Variants in KIAA1958 observed in about 807,000 individuals in gnomAD.
KIAA1958 encodes uncharacterized protein KIAA1958.
Under a neutral mutation model 47.2 loss-of-function variants are expected in KIAA1958, and 14 were observed. The ratio of observed to expected loss-of-function variants is 0.30; its 90% CI spans 0.20 to 0.46. KIAA1958 has a LOEUF of 0.46. Among genes scored for constraint, KIAA1958 ranks in the 20% least tolerant of loss-of-function variants. The probability of loss-of-function intolerance (pLI) is 1.00; values close to 1 mark genes in which losing one functional copy is unlikely to be tolerated. For synonymous variants in KIAA1958, 354 were observed against 353.3 expected (o/e 1.00, Z -0.02); for missense variants, 803 against 909.2 (o/e 0.88, Z 1.50).
At chr9:112,498,023 G>C (rs544261450) in intron 1 of KIAA1958, among the ~76,000 whole-genome samples, 7 of 152,098 alleles carry the variant, frequency 4.6e-5, no homozygotes, top group Admixed American at 2.0e-4. Flanking sequence ...ATTAGTAATA[G>C]CTTTTCCAGT....
At chr9:112,504,188 C>CTT (rs374393037) in intron 1 of KIAA1958, among the ~76,000 whole-genome samples, 19 of 139,632 alleles carry the variant, frequency 1.4e-4, no homozygotes, top group South Asian at 6.8e-4. Flanking sequence ...TAGAGATTAT[C>CTT]TTTTTTTTTT....
chr9:112,494,723 C>G (rs1389860614), intron 1 of KIAA1958, among the ~76,000 whole-genome samples: 1 of 152,158 alleles, frequency 6.6e-6, no homozygotes, highest in Non-Finnish European at 1.5e-5. Flanking sequence ...CTGCCTCAGC[C>G]TCCCAAAGTG....
chr9:112,653,800 T>C (rs1389846803), intron 3 of KIAA1958, among the ~76,000 whole-genome samples: 1 of 152,080 alleles, frequency 6.6e-6, no homozygotes, highest in African/African-American at 2.4e-5. Flanking sequence ...CTCAGGAGGT[T>C]GAGGCAAGAG....
intron 1 of KIAA1958, among the ~76,000 whole-genome samples, chr9:112,512,841 T>C (rs1475543442): frequency 2.6e-5 from 4 of 151,334 alleles, no homozygotes; most frequent in African/African-American, 9.7e-5. Context: ...TTTTTTTGTT[T>C]TGATTTGTTT....
intron 1 of KIAA1958, among the ~76,000 whole-genome samples, chr9:112,568,142 C>T (rs1053245564): frequency 1.3e-5 from 2 of 151,844 alleles, no homozygotes; most frequent in African/African-American, 2.4e-5. Context: ...TTTTTGCAAA[C>T]GGAAACACTC....
At chr9:112,524,700 A>G (rs1363828675) in intron 1 of KIAA1958, among the ~76,000 whole-genome samples, 6 of 152,184 alleles carry the variant, frequency 3.9e-5, no homozygotes, top group African/African-American at 1.4e-4. Flanking sequence ...CTGGCTCTTA[A>G]GCAGTTGGAA....
intron 2 of KIAA1958, 45 bp from the exon 3 acceptor site, chr9:112,645,604 AG>A: frequency 7.5e-7 from 1 of 1,332,316 alleles, no homozygotes; most frequent in Non-Finnish European, 1.0e-6. Flanking sequence ...TCTCTAAAGA[AG>A]GGAATGGCAA....
At chr9:112,620,337 G>A (rs1836481069) in intron 2 of KIAA1958, among the ~76,000 whole-genome samples, 1 of 152,194 alleles carries the variant, frequency 6.6e-6, no homozygotes, top group Non-Finnish European at 1.5e-5. Context: ...GGAAATATTT[G>A]TTCTTCAAGG....
At chr9:112,507,712 C>T (rs1341714825) in intron 1 of KIAA1958, among the ~76,000 whole-genome samples, 1 of 152,048 alleles carries the variant, frequency 6.6e-6, no homozygotes, top group Non-Finnish European at 1.5e-5. Flanking sequence ...AACATCTATA[C>T]CTATAAGATC....
intron 1 of KIAA1958, among the ~76,000 whole-genome samples, chr9:112,499,117 C>T (rs1002552642): frequency 6.6e-6 from 1 of 152,188 alleles, no homozygotes; most frequent in Admixed American, 6.5e-5. Context: ...TGTATATACA[C>T]CACATTTTCT....
rs1366321344 is a variant in KIAA1958, at chr9:112,497,273, C to T, written c.-25+10155C>T. 2.6e-5 allele frequency among the ~76,000 whole-genome samples: 4 copies of T among 152,066 alleles called. No individual in the cohort carries two copies. In the East Asian group the frequency reaches 7.7e-4, roughly 29 times the overall value. On this transcript the variant is annotated intron_variant, in intron 1 of 3. Transcript: ENST00000337530. The stretch of plus-strand genomic sequence containing the variant: ...ATGTAACTGTATTTAGAAGCTAGGG[C>T]ATTTAAAAAGGTGATTAAGTTAGGA...
At chr9:112,539,486 C>T (rs1336751938) in intron 1 of KIAA1958, among the ~76,000 whole-genome samples, 21 of 151,988 alleles carry the variant, frequency 1.4e-4, no homozygotes. Flanking sequence ...TCTGTAGAGA[C>T]TCAGTGTAGA....
At position 112,665,858 on chromosome 9, in the gene KIAA1958, C is replaced by T. The variant is rs1837345802; in HGVS notation, c.*5789C>T. Reference sequence around the variant, plus strand: ...TGCACCTGTTTTGACATTGGACTCACTGCTTAAAAAGTAAAGGAGTTCCTA... The same window carrying T: ...TGCACCTGTTTTGACATTGGACTCATTGCTTAAAAAGTAAAGGAGTTCCTA... On this transcript the variant is annotated 3_prime_UTR_variant, in exon 4 of 4. Coordinates refer to ENST00000337530, the MANE Select transcript of KIAA1958 (RefSeq NM_133465.4). The T allele has an allele frequency of 6.6e-6, 1 of 152,204 alleles. No individual in the cohort carries two copies. The highest frequency in any genetic ancestry group is 2.1e-4 in the South Asian group (1 of 4,832). 9.4% of individuals were successfully genotyped at this position (152,204 alleles called of 1,614,324 possible).
At chr9:112,531,770 T>C (rs1213795428) in intron 1 of KIAA1958, among the ~76,000 whole-genome samples, 4 of 152,256 alleles carry the variant, frequency 2.6e-5, no homozygotes, top group African/African-American at 9.6e-5. Context: ...GTATCTTATT[T>C]CGTATTTTAA....
intron 2 of KIAA1958, among the ~76,000 whole-genome samples, 196 bp from the exon 3 acceptor site, chr9:112,645,451 TTGA>T (rs752560487): frequency 3.9e-5 from 6 of 152,214 alleles, no homozygotes; most frequent in Non-Finnish European, 8.8e-5. Context: ...GCTTACTGCA[TTGA>T]TTCCATGCTA....
intron 1 of KIAA1958, among the ~76,000 whole-genome samples, chr9:112,544,493 A>G (rs1834996174): frequency 6.6e-6 from 1 of 152,200 alleles, no homozygotes; most frequent in Non-Finnish European, 1.5e-5. Flanking sequence ...TGTTCAGTTA[A>G]TGGTTCAGTT....
rs367932637 is a variant in KIAA1958 at position 112,607,749 on chromosome 9, CAAAAAAAA to C, written c.1171+32508_1171+32515del. Among the ~76,000 whole-genome samples the C allele has an allele frequency of 4.5e-3, 532 of 118,846 alleles. 6 individuals are homozygous for C. The highest frequency in any genetic ancestry group is 0.016 in the African/African-American group (500 of 31,270). 78.0% of individuals were successfully genotyped at this position (118,846 alleles called of 152,430 possible). On this transcript the variant is annotated intron_variant, in intron 2 of 3. Coordinates refer to ENST00000337530, the MANE Select transcript of KIAA1958 (RefSeq NM_133465.4). ...AAGATAATCATTTAGATATCCAAGACAAAAAAAAAAAAAAAAAGGCAAAGGCAATCCAG... is the reference window on the plus strand; with the variant it reads ...AAGATAATCATTTAGATATCCAAGACAAAAAAAAAGGCAAAGGCAATCCAG...
At chr9:112,505,742 C>T (rs373467915) in intron 1 of KIAA1958, among the ~76,000 whole-genome samples, 1 of 152,090 alleles carries the variant, frequency 6.6e-6, no homozygotes, top group African/African-American at 2.4e-5. Flanking sequence ...GGTAAATGGC[C>T]TGAGTGGTCA....
chr9:112,511,970 T>C (rs1034702815), intron 1 of KIAA1958, among the ~76,000 whole-genome samples: 1 of 152,136 alleles, frequency 6.6e-6, no homozygotes, highest in Non-Finnish European at 1.5e-5. Context: ...CTAATCTCAC[T>C]CAGGAAGAAA....
Sources: gnomAD v4.1 joint callset for allele counts (sites outside exome capture counted in the v4.1 genomes callset) on GRCh38, gnomAD v4.1.1 for gene constraint, MANE v1.5 for transcripts, NCBI Gene and HGNC (gene_info 2026-07-23, HGNC 2026-07-21) for gene names.